The following BMS1 variants were observed in gnomAD, a reference collection of about 807,000 sequenced individuals.
BMS1 encodes ribosome biogenesis protein BMS1 homolog.
In BMS1, 53 loss-of-function variants were observed where a neutral mutation model predicts 138.7. That is an observed-to-expected ratio of 0.38 (90% CI 0.31 to 0.48). The LOEUF (loss-of-function observed/expected upper bound fraction) is 0.48, where lower values mean the gene tolerates loss of function less well. Among genes scored for constraint, BMS1 ranks in the 20% least tolerant of loss-of-function variants. The pLI, the probability that BMS1 is intolerant of heterozygous loss-of-function variation, is 0.97. For synonymous variants in BMS1, 504 were observed against 539.9 expected (o/e 0.93, Z 0.92); for missense variants, 1,360 against 1,565.5 (o/e 0.87, Z 2.22).
chr10:42,784,476 G>C lies in BMS1; in HGVS notation c.82G>C (p.Asp28His). The change falls in exon 2 of 23, where the codon GAT (aspartate) becomes CAT (histidine). Residue 28 changes from aspartate (D) to histidine (H), a missense_variant. Asp to His is a moderately conservative substitution (Grantham distance 81). Transcript: ENST00000374518. ...AAAGAAAAAGAAGCGGCTTCTGCAG[G>C]ATCTCCAGCTAGGAGACGAAGAAGA... ...AAKKKKRLLQ[D>H]LQLGDEEDAR... 1 of 1,613,950 alleles carries C rather than the reference G, an allele frequency of 6.2e-7. No individual in the cohort carries two copies. Among genetic ancestry groups the C allele is most frequent in the Non-Finnish European group, 8.5e-7 (1 of 1,179,860 alleles).
rs1257915630 is a variant in BMS1 at position 42,834,164 on chromosome 10, T to G, written c.*3068T>G. On this transcript the variant is annotated 3_prime_UTR_variant, in exon 23 of 23. Transcript: ENST00000374518. ...TATTGAACCTACAGTGTACATATCA[T>G]TCCATGCCATTAAATATTCTTATTT... is the stretch of plus-strand genomic sequence containing the variant. 6.6e-6 allele frequency: 1 copy of G among 152,240 alleles called. No homozygotes were observed. Among genetic ancestry groups the G allele is most frequent in the East Asian group, 1.9e-4 (1 of 5,202 alleles). The allele number at this position is 152,240 out of a possible 1,614,324, so 9.4% of individuals were successfully genotyped here.
At chr10:42,787,099 A>G (rs1477432285) in intron 3 of BMS1, 69 bp from the exon 4 acceptor site, 1 of 823,486 alleles carries the variant, frequency 1.2e-6, no homozygotes, top group South Asian at 1.4e-5. Context: ...AAAAATGAAA[A>G]TTAAGAGTTG....
intron 3 of BMS1, among the ~76,000 whole-genome samples, chr10:42,786,589 C>CTT (rs767043438): frequency 1.1e-4 from 16 of 142,170 alleles, no homozygotes; most frequent in Non-Finnish European, 1.4e-4. Flanking sequence ...CTTTTTTTTC[C>CTT]TTTTTTTTTT....
intron 12 of BMS1, among the ~76,000 whole-genome samples, chr10:42,800,403 G>A (rs1841833897): frequency 6.6e-6 from 1 of 152,102 alleles, no homozygotes; most frequent in Non-Finnish European, 1.5e-5. Flanking sequence ...TCTTAAGAAT[G>A]TAGAGTGGTG....
chr10:42,809,037 A>G (rs528666024), intron 13 of BMS1, among the ~76,000 whole-genome samples: 98 of 152,354 alleles, frequency 6.4e-4, no homozygotes, highest in Admixed American at 1.3e-3. Context: ...TTATGTCTAC[A>G]ACAACTTACC....
At position 42,798,520 on chromosome 10, in the gene BMS1, G is replaced by A; in HGVS notation, c.2142G>A (p.Gly714=). The change falls in exon 12 of 23, where the codon GGG becomes GGA. Residue 714 remains glycine, a synonymous_variant. Coordinates refer to ENST00000374518, the MANE Select transcript of BMS1 (RefSeq NM_014753.4). ...ATGATACTCTAGAAGAGCTTGGAGG[G>A]TTGTTTCGTGTCAACCAGCCTGACA... is the stretch of plus-strand genomic sequence containing the variant. ...EDDDTLEELG[G]LFRVNQPDRE... The A allele has an allele frequency of 6.2e-7, 1 of 1,614,256 alleles. No individual in the cohort carries two copies. Among genetic ancestry groups the A allele is most frequent in the East Asian group, 2.2e-5 (1 of 44,892 alleles).
rs7088101 is a variant in BMS1, at chr10:42,790,718, C to T, written c.636+207C>T. 6.3e-3 allele frequency among the ~76,000 whole-genome samples: 960 copies of T among 152,100 alleles called. 3 individuals are homozygous for T. The highest frequency in any genetic ancestry group is 0.021 in the African/African-American group (886 of 41,486). Reference sequence around the variant, plus strand: ...TGCAAAAATTAGTCCGGTGTGGTGGCGTGCGCCTGTAATCCCAGCTACTCA... The same window carrying T: ...TGCAAAAATTAGTCCGGTGTGGTGGTGTGCGCCTGTAATCCCAGCTACTCA... On this transcript the variant is annotated intron_variant, in intron 5 of 22. Coordinates refer to ENST00000374518, the MANE Select transcript of BMS1 (RefSeq NM_014753.4).
intron 13 of BMS1, among the ~76,000 whole-genome samples, chr10:42,806,737 GAAAAAAAA>G (rs35466848): frequency 2.0e-5 from 2 of 99,420 alleles, no homozygotes; most frequent in African/African-American, 7.0e-5. Flanking sequence ...TCCGTCTCAG[GAAAAAAAA>G]AAAAAAAAAA....
chr10:42,827,881 C>G (rs1842695353), intron 21 of BMS1, among the ~76,000 whole-genome samples: 1 of 152,170 alleles, frequency 6.6e-6, no homozygotes, highest in South Asian at 2.1e-4. Flanking sequence ...AAACTTTTCA[C>G]TGGGTACTCT....
At chr10:42,819,953 A>G (rs1842454294) in intron 15 of BMS1, among the ~76,000 whole-genome samples, 1 of 151,934 alleles carries the variant, frequency 6.6e-6, no homozygotes, top group African/African-American at 2.4e-5. Flanking sequence ...CACCACGCCC[A>G]GCTGATTTTG....
chr10:42,809,079 T>C (rs1213166877), intron 13 of BMS1, among the ~76,000 whole-genome samples: 2 of 152,260 alleles, frequency 1.3e-5, no homozygotes, highest in Admixed American at 6.5e-5. Flanking sequence ...ATTAAACCTA[T>C]AGATCAGTTT....
At chr10:42,783,638 A>G (rs1841233966) in intron 1 of BMS1, among the ~76,000 whole-genome samples, 1 of 152,036 alleles carries the variant, frequency 6.6e-6, no homozygotes, top group Non-Finnish European at 1.5e-5. Flanking sequence ...GTGATTGCCA[A>G]TTTATTAGCC....
Position 42,796,520 on chromosome 10 carries a change from C to A in BMS1, c.1276C>A (p.Arg426=), listed in dbSNP as rs1239863456. 2 of 1,613,992 alleles carry A rather than the reference C, an allele frequency of 1.2e-6. No homozygotes were observed. The highest frequency in any genetic ancestry group is 1.1e-5 in the South Asian group (1 of 91,038). The part of the protein sequence containing the change: ...EEKQMDLNTG[R]MRRKAIFGDE... Reference sequence around the variant, plus strand: ...AAAACAAATGGACTTGAACACTGGTCGAATGCGTCGGAAAGCCATTTTCGG... The same window carrying A: ...AAAACAAATGGACTTGAACACTGGTAGAATGCGTCGGAAAGCCATTTTCGG... Residue 426 remains arginine (R), a synonymous_variant, in exon 10 of 23, where the codon CGA becomes AGA. Coordinates refer to ENST00000374518, the MANE Select transcript of BMS1 (RefSeq NM_014753.4).
chr10:42,790,704 G>A (rs1015263575), intron 5 of BMS1, among the ~76,000 whole-genome samples, 193 bp downstream of exon 5: 11 of 152,102 alleles, frequency 7.2e-5, no homozygotes, highest in African/African-American at 1.9e-4. Context: ...GCAAAAATTA[G>A]TCCGGTGTGG....
chr10:42,811,928 G>A (rs1588740199), intron 13 of BMS1, among the ~76,000 whole-genome samples: 1 of 152,080 alleles, frequency 6.6e-6, no homozygotes, highest in African/African-American at 2.4e-5. Flanking sequence ...AGAGTTTCCT[G>A]TTTTTCTGTT....
In BMS1 at chr10:42,823,720, C is replaced by A; in HGVS notation, c.3392C>A (p.Thr1131Asn). 1 of 1,596,022 alleles carries A rather than the reference C, an allele frequency of 6.3e-7. No homozygotes were observed. ...AAAGACACCTGGTCAGGAATGCGGA[C>A]CACGGGCCAACTCAGGCTCGCCCAT... The part of the protein sequence containing the change: ...GEKDTWSGMR[T>N]TGQLRLAHGV... Residue 1131 changes from threonine (T) to asparagine (N), a missense_variant, in exon 21 of 23, where the codon ACC (threonine) becomes AAC (asparagine). Physicochemically the swap from Thr to Asn is moderately conservative, Grantham distance 65 (BLOSUM62 0). Transcript: ENST00000374518.
chr10:42,806,696 C>G (rs370232171), intron 13 of BMS1, among the ~76,000 whole-genome samples: 2 of 144,650 alleles, frequency 1.4e-5, no homozygotes, highest in African/African-American at 5.3e-5. Context: ...GATCGCGCCA[C>G]TGTACTCCAG....
chr10:42,796,354 C>T lies in BMS1; in HGVS notation c.1230-120C>T, dbSNP rs1223157253. Reference sequence around the variant, plus strand: ...AAATCATATTTTCCCTATGCTATGTCATCTTAAACAATTCCTTGACATTTT... The same window carrying T: ...AAATCATATTTTCCCTATGCTATGTTATCTTAAACAATTCCTTGACATTTT... On this transcript the variant is annotated intron_variant, in intron 9 of 22. Coordinates refer to ENST00000374518, the MANE Select transcript of BMS1 (RefSeq NM_014753.4). 5.9e-6 allele frequency: 7 copies of T among 1,187,724 alleles called. No individual in the cohort carries two copies. The African/African-American group carries it at 9.3e-5, about 16-fold the overall frequency. 73.6% of individuals were successfully genotyped at this position (1,187,724 alleles called of 1,614,324 possible). A position where few individuals can be genotyped will look rare whatever the true frequency, so the allele number is the denominator to read the frequency against.
chr10:42,825,017 C>CT lies in BMS1; in HGVS notation c.3456+1242dup, dbSNP rs1043065779. ...TCAGGATTGTTTTTTCTTTTATTTT[C>CT]TTTTTTTTTGAGGCAAAGTCTCACT... is the stretch of plus-strand genomic sequence containing the variant. On this transcript the variant is annotated intron_variant, in intron 21 of 22. Transcript: ENST00000374518. 7.2e-4 allele frequency among the ~76,000 whole-genome samples: 108 copies of CT among 150,994 alleles called. No homozygotes were observed. In the East Asian group the frequency reaches 0.011, roughly 15 times the overall value.
Sources: allele counts gnomAD v4.1 joint callset (sites outside exome capture counted in the v4.1 genomes callset), GRCh38; gene constraint gnomAD v4.1.1; transcripts MANE v1.5; gene names NCBI Gene and HGNC (gene_info 2026-07-23, HGNC 2026-07-21).